The following POLR3B variants were observed in gnomAD, a reference collection of about 807,000 sequenced individuals.
POLR3B encodes the protein DNA-directed RNA polymerase III subunit RPC2.
A neutral mutation model predicts 147.4 loss-of-function variants in POLR3B; 96 were observed. The observed-to-expected ratio is 0.65, with a 90% CI of 0.55 to 0.77. POLR3B has a LOEUF of 0.77. Ranked by LOEUF, POLR3B falls within the 30% of genes least tolerant of loss-of-function variation. POLR3B has a pLI of 0.00. For synonymous variants in POLR3B, 461 were observed against 485.9 expected (o/e 0.95, Z 0.67); for missense variants, 1,036 against 1,413.5 (o/e 0.73, Z 4.28).
At position 106,448,427 on chromosome 12, in the gene POLR3B, C is replaced by CTTT. The variant is rs869133588; in HGVS notation, c.2083+3864_2083+3866dup. Among the ~76,000 whole-genome samples the CTTT allele has an allele frequency of 1.6e-3, 82 of 50,616 alleles. 9 individuals carry two copies. Among genetic ancestry groups the CTTT allele is most frequent in the East Asian group, 4.6e-3 (8 of 1,750 alleles). 33.2% of individuals were successfully genotyped at this position (50,616 alleles called of 152,430 possible). On this transcript the variant is annotated intron_variant, in intron 19 of 27. Coordinates refer to ENST00000228347, the MANE Select transcript of POLR3B (RefSeq NM_018082.6). ...TCCAAATTCTTTACATACGTTATTTCTTTTTTTTTTTTTTTTTTTTTTTTT... is the reference window on the plus strand; with the variant it reads ...TCCAAATTCTTTACATACGTTATTTCTTTTTTTTTTTTTTTTTTTTTTTTTTTT...
chr12:106,438,281 T>C (rs2374610), intron 18 of POLR3B, among the ~76,000 whole-genome samples: 30,011 of 152,062 alleles, frequency 0.2, 3,119 homozygotes, highest in Non-Finnish European at 0.22. Flanking sequence ...TTTCTGTATG[T>C]ACCATAAAGA....
intron 23 of POLR3B, among the ~76,000 whole-genome samples, chr12:106,482,562 C>T (rs2038282687): frequency 6.6e-6 from 1 of 152,158 alleles, no homozygotes; most frequent in Non-Finnish European, 1.5e-5. Context: ...TGAGAACTCA[C>T]TCACTATCAT....
intron 6 of POLR3B, among the ~76,000 whole-genome samples, chr12:106,373,743 G>A (rs1344749765): frequency 6.6e-6 from 1 of 151,366 alleles, no homozygotes; most frequent in Non-Finnish European, 1.5e-5. Flanking sequence ...AACAGAGCGA[G>A]ACTCCATCTC....
At chr12:106,432,519 T>C in intron 15 of POLR3B, 39 bp downstream of exon 15, 1 of 1,502,152 alleles carries the variant, frequency 6.7e-7, no homozygotes, top group Non-Finnish European at 9.3e-7. Context: ...CTAGATAGTC[T>C]GTGAAGAGGG....
intron 12 of POLR3B, among the ~76,000 whole-genome samples, chr12:106,412,843 C>T (rs192400984): frequency 2.6e-5 from 4 of 152,250 alleles, no homozygotes; most frequent in African/African-American, 4.8e-5. Flanking sequence ...ATACTGTAAA[C>T]AAGTATCCTT....
chr12:106,449,612 G>A (rs111853336), intron 19 of POLR3B, among the ~76,000 whole-genome samples: 4,389 of 152,238 alleles, frequency 0.029, 187 homozygotes, highest in African/African-American at 0.099. Flanking sequence ...GAAATGATAA[G>A]GAAGAGAAAA....
intron 9 of POLR3B, among the ~76,000 whole-genome samples, chr12:106,383,903 G>T (rs746668226): frequency 5.3e-5 from 8 of 151,798 alleles, no homozygotes; most frequent in Admixed American, 1.3e-4. Context: ...GCTTGAACCC[G>T]GGAGGTGGAG....
chr12:106,469,361 T>A (rs2137043279), intron 23 of POLR3B, among the ~76,000 whole-genome samples: 2 of 150,628 alleles, frequency 1.3e-5, no homozygotes, highest in East Asian at 3.9e-4. Context: ...GTGAGATGGG[T>A]TTCCTGAATA....
chr12:106,465,127 GT>G (rs1389688893), intron 23 of POLR3B, among the ~76,000 whole-genome samples: 1 of 152,132 alleles, frequency 6.6e-6, no homozygotes. Flanking sequence ...TATTGAAACT[GT>G]TTCCCCTTTT....
intron 16 of POLR3B, among the ~76,000 whole-genome samples, chr12:106,434,383 AAGG>A (rs2037549624): frequency 6.6e-6 from 1 of 152,140 alleles, no homozygotes; most frequent in African/African-American, 2.4e-5. Context: ...CTGAGCTTTA[AAGG>A]AGGAGTAGGA....
At chr12:106,451,144 C>G (rs1267533827) in intron 19 of POLR3B, among the ~76,000 whole-genome samples, 1 of 151,910 alleles carries the variant, frequency 6.6e-6, no homozygotes, top group African/African-American at 2.4e-5. Context: ...GATCAGTGGT[C>G]CCTGAGGTGA....
intron 23 of POLR3B, among the ~76,000 whole-genome samples, chr12:106,469,725 A>T (rs906805094): frequency 3.9e-5 from 6 of 152,148 alleles, no homozygotes; most frequent in African/African-American, 1.4e-4. Flanking sequence ...GTTTGGCTGG[A>T]TATGAAATTC....
At chr12:106,461,243 A>G (rs987359049) in intron 22 of POLR3B, among the ~76,000 whole-genome samples, 3 of 151,946 alleles carry the variant, frequency 2.0e-5, no homozygotes, top group Admixed American at 6.6e-5. Context: ...ACAGGCACAC[A>G]CCACCACACT....
At chr12:106,384,942 C>T (rs2036814842) in intron 9 of POLR3B, among the ~76,000 whole-genome samples, 1 of 151,768 alleles carries the variant, frequency 6.6e-6, no homozygotes, top group Non-Finnish European at 1.5e-5. Flanking sequence ...TCTCCTGCCT[C>T]AGCCTCCCAA....
At chr12:106,457,019 A>T in intron 20 of POLR3B, 119 bp from the exon 21 acceptor site, 4 of 812,518 alleles carry the variant, frequency 4.9e-6, no homozygotes, top group Non-Finnish European at 8.6e-6. Flanking sequence ...TCAAATACAG[A>T]GAAGTTTTGG....
intron 10 of POLR3B, among the ~76,000 whole-genome samples, chr12:106,404,573 G>T (rs1018664643): frequency 2.6e-5 from 4 of 152,188 alleles, no homozygotes. Flanking sequence ...TCTCTGTGAA[G>T]TGTGAGCCAA....
At chr12:106,508,330 G>A (rs955327610) in intron 27 of POLR3B, among the ~76,000 whole-genome samples, 3 of 152,186 alleles carry the variant, frequency 2.0e-5, no homozygotes, top group Middle Eastern at 3.2e-3. Flanking sequence ...TACACACACT[G>A]TCTTACTGCC....
chr12:106,390,862 G>A lies in POLR3B; in HGVS notation c.724-2169G>A, dbSNP rs192054544. On this transcript the variant is annotated intron_variant, in intron 9 of 27. Transcript: ENST00000228347. ...TGCTTAGCTGGGTGGTTCTGGCTCA[G>A]AGTCTTTCATGTGCCAGGATGTCAG... Among the ~76,000 whole-genome samples, 48 of 152,220 alleles carry A rather than the reference G, an allele frequency of 3.2e-4. No homozygotes were observed. In the East Asian group the frequency reaches 8.7e-3, roughly 28 times the overall value.
chr12:106,505,780 A>G (rs2038678001), intron 27 of POLR3B, among the ~76,000 whole-genome samples: 2 of 152,136 alleles, frequency 1.3e-5, no homozygotes, highest in African/African-American at 4.8e-5. Flanking sequence ...TTTGTGGGCC[A>G]CCTTTTCCCC....
Sources: allele counts gnomAD v4.1 joint callset (sites outside exome capture counted in the v4.1 genomes callset), GRCh38; gene constraint gnomAD v4.1.1; transcripts MANE v1.5; gene names NCBI Gene and HGNC (gene_info 2026-07-23, HGNC 2026-07-21).